Variants in ANO2 observed in about 807,000 individuals in gnomAD.
The protein encoded by ANO2 is anoctamin 2, also known as anoctamin-2.
Under a neutral mutation model 124.2 loss-of-function variants are expected in ANO2, and 101 were observed. The ratio of observed to expected loss-of-function variants is 0.81; its 90% CI spans 0.69 to 0.96. ANO2 has a LOEUF of 0.96. Among genes scored for constraint, ANO2 ranks in the 40% least tolerant of loss-of-function variants. The pLI, the probability that ANO2 is intolerant of heterozygous loss-of-function variation, is 0.00. For synonymous variants in ANO2, 486 were observed against 482.5 expected (o/e 1.01, Z -0.09); for missense variants, 1,293 against 1,274.5 (o/e 1.01, Z -0.22).
intron 9 of ANO2, among the ~76,000 whole-genome samples, chr12:5,804,624 A>G (rs1241362060): frequency 1.3e-5 from 2 of 152,228 alleles, no homozygotes; most frequent in Admixed American, 1.3e-4. Flanking sequence ...TGACTTCATT[A>G]TATCAGCCAA....
chr12:5,563,483 T>C lies in ANO2; in HGVS notation c.2813A>G (p.Lys938Arg), dbSNP rs781322541. Residue 938 changes from lysine to arginine, a missense_variant, in exon 25 of 25, where the codon AAG (lysine) becomes AGG (arginine). Physicochemically the swap from Lys to Arg is conservative, Grantham distance 26. Coordinates refer to ENST00000682330, the MANE Select transcript of ANO2 (RefSeq NM_001364791.2). ...TDISDQIKKE[K>R]SLLVDFFLKE... Reference sequence around the variant, plus strand: ...CAGGAAGAAATCCACTAATAAGCTCTTCTCTTTCTTGATCTGGTCGCTGAT... The same window carrying C: ...CAGGAAGAAATCCACTAATAAGCTCCTCTCTTTCTTGATCTGGTCGCTGAT... The C allele has an allele frequency of 6.2e-7, 1 of 1,614,006 alleles. No individual in the cohort carries two copies. Among genetic ancestry groups the C allele is most frequent in the Admixed American group, 1.7e-5 (1 of 60,028 alleles).
intron 23 of ANO2, among the ~76,000 whole-genome samples, chr12:5,569,849 T>C (rs1315975950): frequency 4.6e-5 from 7 of 152,192 alleles, no homozygotes; most frequent in African/African-American, 1.4e-4. Flanking sequence ...CAGTTTCTTC[T>C]GGGATAGAAC....
chr12:5,638,237 C>T (rs369481271), intron 15 of ANO2, among the ~76,000 whole-genome samples: 1,321 of 124,844 alleles, frequency 0.011, 81 homozygotes, highest in African/African-American at 0.032. Context: ...GTTTCTTTTC[C>T]TTTTTTTTTT....
chr12:5,885,478 T>G (rs910340422), intron 3 of ANO2, among the ~76,000 whole-genome samples: 1 of 152,232 alleles, frequency 6.6e-6, no homozygotes, highest in Non-Finnish European at 1.5e-5. Context: ...TACCATATAT[T>G]AGGCACTGTA....
intron 11 of ANO2, among the ~76,000 whole-genome samples, 180 bp from the exon 12 acceptor site, chr12:5,744,497 T>C (rs528327208): frequency 6.6e-6 from 1 of 152,302 alleles, no homozygotes; most frequent in East Asian, 1.9e-4. Flanking sequence ...ACTCATACTT[T>C]GTTCAAAAAC....
intron 14 of ANO2, among the ~76,000 whole-genome samples, chr12:5,731,257 T>C (rs1162425324): frequency 6.6e-6 from 1 of 152,216 alleles, no homozygotes; most frequent in Non-Finnish European, 1.5e-5. Flanking sequence ...TAAGAATGAA[T>C]TCATTATTTC....
At chr12:5,642,517 C>G (rs1000360633) in intron 15 of ANO2, among the ~76,000 whole-genome samples, 1 of 152,178 alleles carries the variant, frequency 6.6e-6, no homozygotes, top group Non-Finnish European at 1.5e-5. Context: ...GAACACTCTT[C>G]AATCTCACCC....
intron 11 of ANO2, among the ~76,000 whole-genome samples, chr12:5,747,450 A>G (rs1265154640): frequency 2.0e-5 from 3 of 152,198 alleles, no homozygotes; most frequent in South Asian, 2.1e-4. Context: ...TGAATTTACA[A>G]TTATGTTTAA....
chr12:5,616,845 C>T (rs144467348), intron 16 of ANO2, among the ~76,000 whole-genome samples: 11 of 152,246 alleles, frequency 7.2e-5, no homozygotes, highest in African/African-American at 2.4e-4. Flanking sequence ...CTGTACAACA[C>T]TCTCCAGATC....
In ANO2 at chr12:5,662,268, G is replaced by A. The variant is rs548139033; in HGVS notation, c.1546-14467C>T. On this transcript the variant is annotated intron_variant, in intron 14 of 24. Transcript: ENST00000682330. ...TACCTTGCATTTTGTGAATTTATTGGGTTTTAAAATTCCTCACTACACACA... is the reference window on the plus strand; with the variant it reads ...TACCTTGCATTTTGTGAATTTATTGAGTTTTAAAATTCCTCACTACACACA... 3.3e-5 allele frequency among the ~76,000 whole-genome samples: 5 copies of A among 152,240 alleles called. No individual in the cohort carries two copies. The East Asian group carries it at 5.8e-4, about 18-fold the overall frequency.
chr12:5,772,058 T>C (rs1198564674), intron 10 of ANO2, among the ~76,000 whole-genome samples: 1 of 152,230 alleles, frequency 6.6e-6, no homozygotes, highest in African/African-American at 2.4e-5. Context: ...ATTCTCATTA[T>C]TGAATATTGC....
chr12:5,741,462 C>T (rs1951091671), intron 12 of ANO2, among the ~76,000 whole-genome samples: 1 of 152,160 alleles, frequency 6.6e-6, no homozygotes, highest in African/African-American at 2.4e-5. Context: ...TCTGGGGATA[C>T]TAAGAATGGT....
intron 14 of ANO2, among the ~76,000 whole-genome samples, chr12:5,682,988 C>T (rs574402982): frequency 2.6e-5 from 4 of 152,202 alleles, no homozygotes; most frequent in Non-Finnish European, 4.4e-5. Context: ...TACTGGGGAC[C>T]GTGGACCCCT....
chr12:5,606,124 G>A (rs555516024), intron 19 of ANO2, among the ~76,000 whole-genome samples: 19 of 152,304 alleles, frequency 1.2e-4, no homozygotes, highest in Non-Finnish European at 2.2e-4. Flanking sequence ...GCCAGGCCTA[G>A]CAATGATGGG....
intron 16 of ANO2, among the ~76,000 whole-genome samples, chr12:5,632,137 G>C (rs1040065687): frequency 6.6e-6 from 1 of 152,094 alleles, no homozygotes; most frequent in African/African-American, 2.4e-5. Flanking sequence ...GCCAAGTCTA[G>C]AGCTCAAAGC....
At chr12:5,915,500 T>C (rs1032734707) in intron 3 of ANO2, among the ~76,000 whole-genome samples, 1 of 152,218 alleles carries the variant, frequency 6.6e-6, no homozygotes, top group African/African-American at 2.4e-5. Context: ...TCTTTTGATC[T>C]GTAAGGCTAA....
rs200426221 is a variant in ANO2 at position 5,935,144 on chromosome 12, G to A, written c.22+10052C>T. Among the ~76,000 whole-genome samples the A allele has an allele frequency of 2.6e-5, 4 of 152,328 alleles. No homozygotes were observed. In the East Asian group the frequency reaches 5.8e-4, roughly 22 times the overall value. On this transcript the variant is annotated intron_variant, in intron 1 of 24. Coordinates refer to ENST00000682330, the MANE Select transcript of ANO2 (RefSeq NM_001364791.2). ...GTTACAGCTTTTTTAACTGGTATGAGTGAATTCATATTGTATAGACAGTGA... is the reference window on the plus strand; with the variant it reads ...GTTACAGCTTTTTTAACTGGTATGAATGAATTCATATTGTATAGACAGTGA...
At chr12:5,605,053 T>TC (rs373164268) in intron 19 of ANO2, among the ~76,000 whole-genome samples, 158 of 152,186 alleles carry the variant, frequency 1.0e-3, no homozygotes, top group African/African-American at 3.5e-3. Flanking sequence ...ACCTTGGGCC[T>TC]CCCTGCAGCA....
chr12:5,858,016 G>A (rs1269930641), intron 3 of ANO2, among the ~76,000 whole-genome samples: 2 of 152,198 alleles, frequency 1.3e-5, no homozygotes, highest in East Asian at 1.9e-4. Flanking sequence ...GGTTATTAGA[G>A]GCTGGGCAAA....
Sources: gnomAD v4.1 joint callset for allele counts (sites outside exome capture counted in the v4.1 genomes callset) on GRCh38, gnomAD v4.1.1 for gene constraint, MANE v1.5 for transcripts, NCBI Gene and HGNC (gene_info 2026-07-23, HGNC 2026-07-21) for gene names.